TAFA5: variants seen among roughly 807,000 people sequenced by gnomAD.
TAFA5 encodes TAFA chemokine like family member 5.
Under a neutral mutation model 15.3 loss-of-function variants are expected in TAFA5, and 6 were observed. The ratio of observed to expected loss-of-function variants is 0.39; its 90% CI spans 0.21 to 0.77. The LOEUF is 0.77. Among genes scored for constraint, TAFA5 ranks in the 30% least tolerant of loss-of-function variants. The probability of loss-of-function intolerance (pLI) is 0.41; values close to 1 mark genes in which losing one functional copy is unlikely to be tolerated. For synonymous variants in TAFA5, 103 were observed against 80.7 expected (o/e 1.28, Z -1.48); for missense variants, 161 against 193.1 (o/e 0.83, Z 0.98).
intron 1 of TAFA5, among the ~76,000 whole-genome samples, chr22:48,606,479 A>G (rs1435032545): frequency 6.6e-6 from 1 of 152,260 alleles, no homozygotes; most frequent in Non-Finnish European, 1.5e-5. Context: ...ATGTATTTCT[A>G]TGAAGACATC....
chr22:48,624,817 T>C (rs1177878434), intron 1 of TAFA5, among the ~76,000 whole-genome samples: 1 of 152,166 alleles, frequency 6.6e-6, no homozygotes, highest in East Asian at 1.9e-4. Context: ...ACCTAGGTCT[T>C]GGCCGGGTGT....
chr22:48,642,474 C>G (rs919065061), intron 1 of TAFA5, among the ~76,000 whole-genome samples: 9 of 152,154 alleles, frequency 5.9e-5, no homozygotes, highest in Non-Finnish European at 1.0e-4. Context: ...GATTTTGGAG[C>G]TCGTGAGCAG....
intron 1 of TAFA5, among the ~76,000 whole-genome samples, chr22:48,579,469 G>A (rs1923950320): frequency 6.6e-6 from 1 of 152,182 alleles, no homozygotes; most frequent in Non-Finnish European, 1.5e-5. Context: ...TTAAAGTGGG[G>A]GACGAGGGCG....
intron 1 of TAFA5, among the ~76,000 whole-genome samples, chr22:48,611,661 G>A (rs1925415330): frequency 6.6e-6 from 1 of 152,128 alleles, no homozygotes; most frequent in South Asian, 2.1e-4. Context: ...GTCCACGTGG[G>A]CTGGCCTTTC....
intron 1 of TAFA5, among the ~76,000 whole-genome samples, chr22:48,540,273 T>C (rs1922317547): frequency 6.6e-6 from 1 of 151,916 alleles, no homozygotes; most frequent in African/African-American, 2.4e-5. Context: ...ACCCGTGGGC[T>C]GAAGCCTGCT....
intron 2 of TAFA5, among the ~76,000 whole-genome samples, chr22:48,703,325 C>T (rs556283277): frequency 1.3e-4 from 20 of 152,178 alleles, no homozygotes; most frequent in South Asian, 2.1e-4. Context: ...CCCCGGACCC[C>T]GCCGTCCTTC....
intron 3 of TAFA5, among the ~76,000 whole-genome samples, chr22:48,721,969 T>C (rs1283219788): frequency 7.7e-6 from 1 of 130,414 alleles, no homozygotes; most frequent in African/African-American, 3.0e-5. Context: ...AGAGCAAAAC[T>C]CTGTCTGAAA....
intron 2 of TAFA5, among the ~76,000 whole-genome samples, chr22:48,701,012 G>C (rs1928888848): frequency 6.6e-6 from 1 of 152,174 alleles, no homozygotes; most frequent in African/African-American, 2.4e-5. Context: ...AGGATGGGAA[G>C]AGCCCTCTGG....
chr22:48,671,377 G>A (rs753771757), intron 2 of TAFA5, among the ~76,000 whole-genome samples: 4 of 152,198 alleles, frequency 2.6e-5, no homozygotes, highest in Non-Finnish European at 5.9e-5. Context: ...GACATCTGGG[G>A]TGCTCTGTTG....
chr22:48,536,429 C>T (rs916941169), intron 1 of TAFA5, among the ~76,000 whole-genome samples: 1 of 152,252 alleles, frequency 6.6e-6, no homozygotes, highest in Non-Finnish European at 1.5e-5. Context: ...GACAGCGTGT[C>T]AGCACCGGGA....
intron 1 of TAFA5, among the ~76,000 whole-genome samples, chr22:48,521,999 G>T (rs905470613): frequency 6.6e-6 from 1 of 152,234 alleles, no homozygotes; most frequent in African/African-American, 2.4e-5. Context: ...CCCACCCTCC[G>T]GATGGGGAGC....
At chr22:48,728,639 G>A (rs914774651) in intron 3 of TAFA5, among the ~76,000 whole-genome samples, 2 of 152,208 alleles carry the variant, frequency 1.3e-5, no homozygotes, top group Admixed American at 1.3e-4. Context: ...TGCAGATCCA[G>A]TGAAAGAGCT....
chr22:48,686,706 A>G (rs1928364881), intron 2 of TAFA5, among the ~76,000 whole-genome samples: 1 of 151,598 alleles, frequency 6.6e-6, no homozygotes, highest in Admixed American at 6.6e-5. Context: ...GGATAGGTTG[A>G]TGGATGCTTG....
In TAFA5 at chr22:48,596,612, G is replaced by A. The variant is rs181050457; in HGVS notation, c.113-49985G>A. On this transcript the variant is annotated intron_variant, in intron 1 of 3. Transcript: ENST00000402357. Reference sequence around the variant, plus strand: ...ATAACAGCTGGCATGAGGGAGGCGCGTGAGTGACAAGTGAGGCTCGACATT... The same window carrying A: ...ATAACAGCTGGCATGAGGGAGGCGCATGAGTGACAAGTGAGGCTCGACATT... Among the ~76,000 whole-genome samples the A allele has an allele frequency of 1.1e-4, 16 of 152,148 alleles. No individual in the cohort carries two copies. In the East Asian group the frequency reaches 2.1e-3, roughly 20 times the overall value.
chr22:48,578,387 C>A (rs866947142), intron 1 of TAFA5, among the ~76,000 whole-genome samples: 1 of 152,168 alleles, frequency 6.6e-6, no homozygotes, highest in African/African-American at 2.4e-5. Flanking sequence ...CCCTGAGGCT[C>A]CAGGTCTAAA....
chr22:48,637,726 C>T (rs1409764406), intron 1 of TAFA5, among the ~76,000 whole-genome samples: 2 of 151,922 alleles, frequency 1.3e-5, no homozygotes, highest in Non-Finnish European at 2.9e-5. Context: ...GTGTCTGGGA[C>T]GAGGCAGAGT....
rs1928459000 is a variant in TAFA5, at chr22:48,689,135, C to T, written c.263-18582C>T. Reference sequence around the variant, plus strand: ...ACCTGCCTCCCAGGAGGACCCCGTACTCACAGAAGTCTTCAGCTGCAAATG... The same window carrying T: ...ACCTGCCTCCCAGGAGGACCCCGTATTCACAGAAGTCTTCAGCTGCAAATG... On this transcript the variant is annotated intron_variant, in intron 2 of 3. Coordinates refer to ENST00000402357, the MANE Select transcript of TAFA5 (RefSeq NM_001082967.3). Among the ~76,000 whole-genome samples the T allele has an allele frequency of 3.3e-5, 5 of 152,166 alleles. No individual in the cohort carries two copies. The South Asian group carries it at 1.0e-3, about 32-fold the overall frequency.
intron 3 of TAFA5, among the ~76,000 whole-genome samples, chr22:48,749,424 G>T (rs921456416): frequency 2.0e-5 from 3 of 152,220 alleles, no homozygotes; most frequent in Non-Finnish European, 4.4e-5. Flanking sequence ...GACCATTCTG[G>T]GTGAGCTCTG....
intron 2 of TAFA5, among the ~76,000 whole-genome samples, chr22:48,667,840 G>A (rs1351259980): frequency 6.5e-5 from 1 of 15,280 alleles, no homozygotes; most frequent in South Asian, 5.0e-3. Flanking sequence ...ACTCAGGGCC[G>A]CGTCTTCACT....
Sources: gnomAD v4.1 joint callset for allele counts (sites outside exome capture counted in the v4.1 genomes callset) on GRCh38, gnomAD v4.1.1 for gene constraint, MANE v1.5 for transcripts, NCBI Gene and HGNC (gene_info 2026-07-23, HGNC 2026-07-21) for gene names.